The following NDST1 variants were observed in gnomAD, a reference collection of about 807,000 sequenced individuals.
NDST1 encodes the protein N-deacetylase and N-sulfotransferase 1.
Under a neutral mutation model 92.8 loss-of-function variants are expected in NDST1, and 35 were observed. The observed-to-expected ratio is 0.38, with a 90% CI of 0.29 to 0.50. NDST1 has a LOEUF of 0.50. NDST1 is among the 20% of genes least tolerant of loss of function. The probability of loss-of-function intolerance (pLI) is 0.94; values close to 1 mark genes in which losing one functional copy is unlikely to be tolerated. For synonymous variants in NDST1, 493 were observed against 500.3 expected, an observed-to-expected ratio of 0.99 and a Z score of 0.19; for missense variants, 822 against 1,182.7, an observed-to-expected ratio of 0.69 and a Z score of 4.47.
At chr5:150,517,830 G>A (rs987393624) in intron 1 of NDST1, among the ~76,000 whole-genome samples, 2 of 152,242 alleles carry the variant, frequency 1.3e-5, no homozygotes, top group Non-Finnish European at 2.9e-5. Flanking sequence ...TCAAGCCTGC[G>A]AGGAGTGGCT....
At chr5:150,520,735 C>G (rs1172139791) in intron 1 of NDST1, 133 bp from the exon 2 acceptor site, 1 of 389,944 alleles carries the variant, frequency 2.6e-6, no homozygotes, top group Admixed American at 4.4e-5. Flanking sequence ...AAAGAGCTTG[C>G]TCCAAATCAT....
rs992170274 is a variant in NDST1 at position 150,549,705 on chromosome 5, C to T, written c.2344C>T (p.Arg782Cys). ...TCTGGTCTTGGATGGCAAACTGCTTCGCACAGAACCTGCCAAAGTGATGGA... is the reference window on the plus strand; with the variant it reads ...TCTGGTCTTGGATGGCAAACTGCTTTGCACAGAACCTGCCAAAGTGATGGA... ...QILVLDGKLL[R>C]TEPAKVMDMV... is the part of the protein sequence containing the mutation. The change falls in exon 13 of 15, where the codon CGC (arginine) becomes TGC (cysteine). Residue 782 changes from arginine to cysteine, a missense_variant. By Grantham distance (180) the Arg-to-Cys change is radical. Transcript: ENST00000261797. 1.9e-5 allele frequency: 30 copies of T among 1,613,794 alleles called. No homozygotes were observed. In the African/African-American group the frequency reaches 1.9e-4, roughly 10 times the overall value.
chr5:150,539,750 C>T lies in NDST1; in HGVS notation c.1567-332C>T, dbSNP rs551538719. ...CTCTGCTTTAATAATATTAAATAAACTTCAAGTGGTGGTTGTTATTCAGCT... is the reference window on the plus strand; with the variant it reads ...CTCTGCTTTAATAATATTAAATAAATTTCAAGTGGTGGTTGTTATTCAGCT... On this transcript the variant is annotated intron_variant, in intron 7 of 14. Coordinates refer to ENST00000261797, the MANE Select transcript of NDST1 (RefSeq NM_001543.5). The T allele has an allele frequency of 7.5e-5, 74 of 985,244 alleles. No homozygotes were observed. The African/African-American group carries it at 1.2e-3, about 16-fold the overall frequency. The allele number at this position is 985,244 out of a possible 1,614,324, so 61.0% of individuals were successfully genotyped here. A position where few individuals can be genotyped will look rare whatever the true frequency, so the allele number is the denominator to read the frequency against.
intron 14 of NDST1, among the ~76,000 whole-genome samples, chr5:150,552,915 T>C (rs1191044737): frequency 6.6e-6 from 1 of 152,146 alleles, no homozygotes; most frequent in Non-Finnish European, 1.5e-5. Flanking sequence ...CGCGTGATCT[T>C]GGCTCACTGC....
At chr5:150,516,976 AGTGTGTGTGTGTGT>A (rs56170880) in intron 1 of NDST1, among the ~76,000 whole-genome samples, 28,785 of 143,688 alleles carry the variant, frequency 0.2, 3,310 homozygotes, top group Non-Finnish European at 0.27. Context: ...GACATTTTCT[AGTGTGTGTGTGTGT>A]GTGTGTGTGT....
intron 3 of NDST1, among the ~76,000 whole-genome samples, chr5:150,530,840 A>G (rs2080861): frequency 6.6e-6 from 1 of 151,992 alleles, no homozygotes; most frequent in African/African-American, 2.4e-5. Flanking sequence ...GTTTATGAGC[A>G]TGAGCCACCG....
intron 3 of NDST1, among the ~76,000 whole-genome samples, chr5:150,531,015 C>T (rs1227922111): frequency 1.3e-5 from 2 of 151,754 alleles, no homozygotes; most frequent in South Asian, 2.1e-4. Context: ...AGTGCTTCTC[C>T]AGCCACAATC....
chr5:150,543,212 G>A lies in NDST1; in HGVS notation c.1970+241G>A, dbSNP rs550164877. On this transcript the variant is annotated intron_variant, in intron 10 of 14. Coordinates refer to ENST00000261797, the MANE Select transcript of NDST1 (RefSeq NM_001543.5). ...CCGCCTGTAGTCAGACGCTGAGGTC[G>A]AAGTCCACCCCTCCCTTGCTTGCAG... Among the ~76,000 whole-genome samples, 6 of 152,354 alleles carry A rather than the reference G, an allele frequency of 3.9e-5. No homozygotes were observed. The East Asian group carries it at 7.7e-4, about 20-fold the overall frequency.
Position 150,553,384 on chromosome 5 carries a change from C to T in NDST1, c.*52C>T. Reference sequence around the variant, plus strand: ...GTTTGTGAAAGCTGGGACATCCCACCACACGCTGAGCCAGACCTGCAGAGT... The same window carrying T: ...GTTTGTGAAAGCTGGGACATCCCACTACACGCTGAGCCAGACCTGCAGAGT... On this transcript the variant is annotated 3_prime_UTR_variant, in exon 15 of 15. Coordinates refer to ENST00000261797, the MANE Select transcript of NDST1 (RefSeq NM_001543.5). The surrounding 1 kb of genome is among the most constrained non-coding windows in gnomAD (Gnocchi z 4.2). The T allele has an allele frequency of 1.2e-6, 2 of 1,601,482 alleles. No homozygotes were observed. Among genetic ancestry groups the T allele is most frequent in the Non-Finnish European group, 1.7e-6 (2 of 1,171,696 alleles).
chr5:150,521,657 C>G lies in NDST1; in HGVS notation c.403C>G (p.Leu135Val), dbSNP rs1581366564. ...TGACAAGGGCCGTGGCCGCTTCGCCCTCATCATCTATGAGAACATCCTCAA... is the reference window on the plus strand; with the variant it reads ...TGACAAGGGCCGTGGCCGCTTCGCCGTCATCATCTATGAGAACATCCTCAA... ...LTDKGRGRFA[L>V]IIYENILKYV... Residue 135 changes from leucine to valine, a missense_variant, in exon 2 of 15, where the codon CTC (leucine) becomes GTC (valine). Transcript: ENST00000261797. This position sits in a 1 kb window ranked among gnomAD's most constrained non-coding sequence, Gnocchi z 5.9. 2 of 1,614,118 alleles carry G rather than the reference C, an allele frequency of 1.2e-6. No individual in the cohort carries two copies. The highest frequency in any genetic ancestry group is 1.7e-6 in the Non-Finnish European group (2 of 1,180,044).
intron 1 of NDST1, among the ~76,000 whole-genome samples, chr5:150,502,621 T>C (rs3889713): frequency 0.1 from 15,560 of 152,114 alleles, 1,228 homozygotes; most frequent in East Asian, 0.28. Context: ...TAGGAGTCTG[T>C]TCTGTGAGAA....
At chr5:150,546,495 T>C (rs1755489728) in intron 11 of NDST1, among the ~76,000 whole-genome samples, 1 of 152,176 alleles carries the variant, frequency 6.6e-6, no homozygotes, top group Non-Finnish European at 1.5e-5. Flanking sequence ...CACCCTGTTG[T>C]CCAGGCCGAG....
chr5:150,507,755 A>G (rs1753527889), upstream of NDST1: 1 of 152,646 alleles, frequency 6.6e-6, no homozygotes, highest in Admixed American at 6.5e-5. Flanking sequence ...GGACCCAGTT[A>G]TCCTTATTGC....
intron 8 of NDST1, 60 bp downstream of exon 8, chr5:150,540,324 C>A (rs1021626874): frequency 6.6e-7 from 1 of 1,515,492 alleles, no homozygotes; most frequent in African/African-American, 1.4e-5. Context: ...CACTCACAGG[C>A]ACACACTCCA....
intron 6 of NDST1, among the ~76,000 whole-genome samples, chr5:150,538,546 G>A (rs993019495): frequency 6.6e-6 from 1 of 152,226 alleles, no homozygotes; most frequent in African/African-American, 2.4e-5. Context: ...GATATAGGGT[G>A]TGGGAGGAAG....
rs116698288 is a variant in NDST1 at position 150,513,399 on chromosome 5, G to A, written c.-388+5173G>A. 7.4e-3 allele frequency among the ~76,000 whole-genome samples: 1,132 copies of A among 152,280 alleles called. 7 individuals carry two copies. The highest frequency in any genetic ancestry group is 0.026 in the African/African-American group (1,069 of 41,556). ...CCCACTACTCAGGAGGCTGAGGCTC[G>A]AAAATCGCTCGAAGCTTGAACCCAG... On this transcript the variant is annotated intron_variant, in intron 1 of 14. Transcript: ENST00000261797.
intron 2 of NDST1, among the ~76,000 whole-genome samples, chr5:150,524,448 T>G (rs1206421384): frequency 6.6e-6 from 1 of 152,262 alleles, no homozygotes; most frequent in Non-Finnish European, 1.5e-5. Flanking sequence ...CTGTCGTGCC[T>G]CAACCTTGAA....
Position 150,549,702 on chromosome 5 carries a change from C to T in NDST1, c.2341C>T (p.Leu781Phe). The change falls in exon 13 of 15, where the codon CTT becomes TTT. Residue 781 changes from leucine to phenylalanine, a missense_variant. Coordinates refer to ENST00000261797, the MANE Select transcript of NDST1 (RefSeq NM_001543.5). ...GATTCTGGTCTTGGATGGCAAACTG[C>T]TTCGCACAGAACCTGCCAAAGTGAT... ...NQILVLDGKL[L>F]RTEPAKVMDM... The T allele has an allele frequency of 6.2e-7, 1 of 1,613,938 alleles. No individual in the cohort carries two copies. The highest frequency in any genetic ancestry group is 8.5e-7 in the Non-Finnish European group (1 of 1,179,800).
intron 10 of NDST1, 107 bp downstream of exon 10, chr5:150,543,078 C>G: frequency 1.4e-6 from 2 of 1,421,192 alleles, no homozygotes; most frequent in Non-Finnish European, 2.0e-6. Flanking sequence ...TCACACACAG[C>G]TGTCATTCCT....
Sources: gnomAD v4.1 joint callset for allele counts (sites outside exome capture counted in the v4.1 genomes callset) on GRCh38, gnomAD v4.1.1 for gene constraint, Gnocchi (gnomAD v3.1) non-coding constraint, MANE v1.5 for transcripts, NCBI Gene and HGNC (gene_info 2026-07-23, HGNC 2026-07-21) for gene names.